Variants in BLTP1 observed in about 807,000 individuals in gnomAD.
The protein encoded by BLTP1 is bridge-like lipid transfer protein family member 1.
At chr4:122,352,692 G>C in the BLTP1 span, among the ~76,000 whole-genome samples, 1 of 152,072 alleles carries the variant, frequency 6.6e-6, no homozygotes, top group Non-Finnish European at 1.5e-5. Flanking sequence ...TTTTTAGCAA[G>C]TTACTACTTT....
the BLTP1 span, chr4:122,339,098 GT>G: frequency 7.8e-7 from 1 of 1,288,264 alleles, no homozygotes; most frequent in Non-Finnish European, 1.1e-6. Context: ...ATTTCTTTCT[GT>G]TTAAAAAAAA....
At chr4:122,255,299 T>C in the BLTP1 span, 3 of 1,542,330 alleles carry the variant, frequency 1.9e-6, no homozygotes, top group Non-Finnish European at 2.7e-6. Flanking sequence ...TTACTGAAAC[T>C]ACATTAGTTT....
At chr4:122,307,890 CAT>C in the BLTP1 span, 2 of 1,564,462 alleles carry the variant, frequency 1.3e-6, no homozygotes, top group Non-Finnish European at 1.7e-6. Context: ...TTTTACTTAA[CAT>C]ATAGATTTAC....
chr4:122,230,157 C>G, the BLTP1 span: 7 of 1,614,076 alleles, frequency 4.3e-6, no homozygotes, highest in Non-Finnish European at 5.9e-6. Context: ...GACCATCATT[C>G]TAAACATGAG....
the BLTP1 span, chr4:122,343,939 G>T: frequency 1.1e-6 from 1 of 912,418 alleles, no homozygotes. Flanking sequence ...AAACTGCGTA[G>T]AAAGTAAAAT....
chr4:122,169,788 A>G, the BLTP1 span: 3 of 984,690 alleles, frequency 3.0e-6, no homozygotes, highest in South Asian at 4.7e-5. Context: ...TATCCTAAGT[A>G]TCTGATAGCA....
chr4:122,169,763 C>T, the BLTP1 span: 1 of 984,570 alleles, frequency 1.0e-6, no homozygotes, highest in African/African-American at 1.7e-5. Context: ...CACAGTTCTA[C>T]AGTGAATTTT....
chr4:122,309,270 A>G, the BLTP1 span: 1 of 1,611,084 alleles, frequency 6.2e-7, no homozygotes, highest in Admixed American at 1.7e-5. Context: ...TTGCAGTCTA[A>G]TCATACTGGA....
the BLTP1 span, among the ~76,000 whole-genome samples, chr4:122,216,203 T>C: frequency 1.3e-5 from 2 of 152,132 alleles, no homozygotes; most frequent in African/African-American, 4.8e-5. Flanking sequence ...TCCATATTTT[T>C]CAATTGTGGA....
chr4:122,172,367 T>C, the BLTP1 span: 1 of 689,996 alleles, frequency 1.4e-6, no homozygotes, highest in Non-Finnish European at 1.8e-6. Context: ...TGTTTTGCCT[T>C]TTGTATATTC....
the BLTP1 span, chr4:122,288,791 T>G: frequency 2.3e-6 from 1 of 435,788 alleles, no homozygotes; most frequent in African/African-American, 2.2e-5. Context: ...GAAAATTTAA[T>G]TTCAAAATTA....
chr4:122,255,295 A>G, the BLTP1 span: 2 of 1,555,292 alleles, frequency 1.3e-6, no homozygotes, highest in African/African-American at 1.4e-5. Context: ...TAAGTTACTG[A>G]AACTACATTA....
chr4:122,237,981 CAAAAAAAA>C, the BLTP1 span: 2 of 784,294 alleles, frequency 2.6e-6, no homozygotes, highest in African/African-American at 2.6e-5. Flanking sequence ...GACTCCATCT[CAAAAAAAA>C]AAAAAAAAAA....
chr4:122,181,811 G>A, the BLTP1 span, among the ~76,000 whole-genome samples: 37,841 of 151,794 alleles, frequency 0.25, 5,674 homozygotes, highest in Middle Eastern at 0.48. Context: ...CTCCATACTA[G>A]AGAATTTCCT....
At chr4:122,158,726 G>T in the BLTP1 span, among the ~76,000 whole-genome samples, 1 of 152,114 alleles carries the variant, frequency 6.6e-6, no homozygotes, top group Admixed American at 6.5e-5. Flanking sequence ...AGCTGAGATT[G>T]CGCCACTGCA....
chr4:122,331,878 A>C, the BLTP1 span: 2 of 624,746 alleles, frequency 3.2e-6, no homozygotes, highest in Non-Finnish European at 4.0e-6. Flanking sequence ...CACAATGCTC[A>C]GAAGTATCTT....
the BLTP1 span, among the ~76,000 whole-genome samples, chr4:122,303,581 T>C: frequency 2.6e-5 from 4 of 152,336 alleles, no homozygotes; most frequent in Non-Finnish European, 5.9e-5. Context: ...GAGAACACTT[T>C]GATTCATGAG....
chr4:122,162,732 C>CAA, the BLTP1 span: 552 of 743,336 alleles, frequency 7.4e-4, 2 homozygotes, highest in South Asian at 2.3e-3. Context: ...ATAACAACAA[C>CAA]AACAAAAAAA....
chr4:122,298,500 G>C, the BLTP1 span: 1 of 219,478 alleles, frequency 4.6e-6, no homozygotes. Flanking sequence ...TTTCAGAGTA[G>C]AAATTGCAAC....
Sources: gnomAD v4.1 joint callset for allele counts (sites outside exome capture counted in the v4.1 genomes callset) on GRCh38, gnomAD v4.1.1 for gene constraint, MANE v1.5 for transcripts, NCBI Gene and HGNC (gene_info 2026-07-23, HGNC 2026-07-21) for gene names.